The following PARD3B variants were observed in gnomAD, a reference collection of about 807,000 sequenced individuals.
PARD3B encodes the protein partitioning defective 3 homolog B.
Under a neutral mutation model 130.2 loss-of-function variants are expected in PARD3B, and 103 were observed. The ratio of observed to expected loss-of-function variants is 0.79; its 90% CI spans 0.67 to 0.93. The LOEUF (loss-of-function observed/expected upper bound fraction) is 0.93, where lower values mean the gene tolerates loss of function less well. Among genes scored for constraint, PARD3B ranks in the 40% least tolerant of loss-of-function variants. The probability of loss-of-function intolerance (pLI) is 0.00; values close to 1 mark genes in which losing one functional copy is unlikely to be tolerated. For missense variants in PARD3B, 1,609 were observed against 1,499.2 expected (o/e 1.07, Z -1.21); for synonymous variants, 583 against 553.2 (o/e 1.05, Z -0.76).
chr2:204,928,617 CA>C lies in PARD3B; in HGVS notation c.223-36532del, dbSNP rs148308126. Among the ~76,000 whole-genome samples, 1,375 of 152,190 alleles carry C rather than the reference CA, an allele frequency of 9.0e-3. 20 individuals are homozygous for C. Among genetic ancestry groups the C allele is most frequent in the African/African-American group, 0.028 (1,180 of 41,532 alleles). On this transcript the variant is annotated intron_variant, in intron 2 of 22. Transcript: ENST00000406610. ...CATTGCTCCTGGATAGGACAGTCAT[CA>C]AAGACGTCTTGGTCAATCTCATTTA...
chr2:205,183,730 TTGTGTGTGTGTGTG>T lies in PARD3B; in HGVS notation c.1925-2003_1925-1990del, dbSNP rs71410805. 2.9e-4 allele frequency among the ~76,000 whole-genome samples: 40 copies of T among 138,250 alleles called. No individual in the cohort carries two copies. The South Asian group carries it at 8.2e-3, about 28-fold the overall frequency. The allele number at this position is 138,250 out of a possible 152,430, so 90.7% of individuals were successfully genotyped here. On this transcript the variant is annotated intron_variant, in intron 13 of 22. Coordinates refer to ENST00000406610, the MANE Select transcript of PARD3B (RefSeq NM_001302769.2). This position sits in a 1 kb window ranked among gnomAD's most constrained non-coding sequence, Gnocchi z 5.2. Reference sequence around the variant, plus strand: ...GGTTCTGCAGAGAAACAGAACCAAGTTGTGTGTGTGTGTGTGTGTGTGTGTGTGTGTGTGTGTGT... The same window carrying T: ...GGTTCTGCAGAGAAACAGAACCAAGTTGTGTGTGTGTGTGTGTGTGTGTGT...
intron 20 of PARD3B, among the ~76,000 whole-genome samples, chr2:205,447,986 C>T (rs568660621): frequency 2.1e-4 from 32 of 152,306 alleles, no homozygotes; most frequent in African/African-American, 7.5e-4. Flanking sequence ...ACTGCTATGA[C>T]CACCTTCACT....
At chr2:205,143,796 A>C (rs1427521272) in intron 10 of PARD3B, among the ~76,000 whole-genome samples, 1 of 152,190 alleles carries the variant, frequency 6.6e-6, no homozygotes, top group Non-Finnish European at 1.5e-5. Context: ...TCCCTACTTC[A>C]GGAAAATCTC....
rs114601986 is a variant in PARD3B, at chr2:204,764,287, T to C, written c.222+78005T>C. On this transcript the variant is annotated intron_variant, in intron 2 of 22. Coordinates refer to ENST00000406610, the MANE Select transcript of PARD3B (RefSeq NM_001302769.2). ...CAAGCCCTTAGCTTGAGTTACTCCA[T>C]AGTTACTCCATACTGCTTTGTTTCC... Among the ~76,000 whole-genome samples, 727 of 152,316 alleles carry C rather than the reference T, an allele frequency of 4.8e-3. 3 individuals are homozygous for C. Among genetic ancestry groups the C allele is most frequent in the Non-Finnish European group, 8.7e-3 (589 of 68,020 alleles).
intron 2 of PARD3B, among the ~76,000 whole-genome samples, chr2:204,886,343 G>A (rs1335017014): frequency 1.3e-5 from 2 of 152,086 alleles, no homozygotes; most frequent in Admixed American, 1.3e-4. Context: ...CATAGCATAA[G>A]CATTTGACCC....
At chr2:205,000,169 A>G (rs1694711199) in intron 3 of PARD3B, among the ~76,000 whole-genome samples, 1 of 152,216 alleles carries the variant, frequency 6.6e-6, no homozygotes, top group African/African-American at 2.4e-5. Flanking sequence ...CAGATACCAC[A>G]TGCTAGAAGA....
chr2:204,996,652 G>A (rs1694212192), intron 3 of PARD3B, among the ~76,000 whole-genome samples: 1 of 150,014 alleles, frequency 6.7e-6, no homozygotes, highest in African/African-American at 2.5e-5. Flanking sequence ...AAGCAAGCCT[G>A]GGCAATGGCG....
At chr2:205,441,171 T>C (rs1353066858) in intron 20 of PARD3B, among the ~76,000 whole-genome samples, 1 of 152,156 alleles carries the variant, frequency 6.6e-6, no homozygotes, top group Non-Finnish European at 1.5e-5. Flanking sequence ...TGACCCTGTA[T>C]AGATATTCAT....
chr2:205,394,228 G>C (rs1022691738), intron 18 of PARD3B, among the ~76,000 whole-genome samples: 11 of 151,964 alleles, frequency 7.2e-5, no homozygotes, highest in Admixed American at 3.9e-4. Context: ...AGGTCTGTGT[G>C]GGGGGTTTTT....
At chr2:204,699,476 G>C (rs920011078) in intron 2 of PARD3B, among the ~76,000 whole-genome samples, 4 of 152,054 alleles carry the variant, frequency 2.6e-5, no homozygotes, top group Admixed American at 6.6e-5. Context: ...TAACAAGACA[G>C]AATAATTTGG....
chr2:204,576,503 G>GGAA (rs1354527154), intron 1 of PARD3B, among the ~76,000 whole-genome samples: 2 of 152,060 alleles, frequency 1.3e-5, no homozygotes, highest in Non-Finnish European at 2.9e-5. Context: ...TTCTCAACAT[G>GGAA]ATGACAGCAT....
intron 20 of PARD3B, among the ~76,000 whole-genome samples, chr2:205,491,155 G>A (rs1490295859): frequency 6.6e-6 from 1 of 152,036 alleles, no homozygotes; most frequent in Admixed American, 6.5e-5. Context: ...CATTGCTTTT[G>A]GTGTTTTAGA....
At chr2:205,428,396 T>A (rs79129365) in intron 19 of PARD3B, among the ~76,000 whole-genome samples, 1 of 151,314 alleles carries the variant, frequency 6.6e-6, no homozygotes, top group African/African-American at 2.4e-5. Context: ...TAAAATAAAA[T>A]AAAAAGAGGC....
intron 21 of PARD3B, among the ~76,000 whole-genome samples, chr2:205,541,450 G>A (rs112983406): frequency 0.037 from 5,583 of 150,632 alleles, 184 homozygotes; most frequent in South Asian, 0.13. Flanking sequence ...CTGGCTTCAA[G>A]CAATTCTCCT....
intron 2 of PARD3B, among the ~76,000 whole-genome samples, chr2:204,726,528 C>T (rs1202553011): frequency 6.6e-6 from 1 of 152,140 alleles, no homozygotes; most frequent in African/African-American, 2.4e-5. Flanking sequence ...AACCTCAAAG[C>T]CCCAGTGAAG....
chr2:205,382,796 A>G (rs770255669), intron 18 of PARD3B, among the ~76,000 whole-genome samples: 4 of 151,968 alleles, frequency 2.6e-5, no homozygotes, highest in Non-Finnish European at 4.4e-5. Context: ...CCTATCATTT[A>G]TTTTGTTGCT....
At chr2:205,093,581 G>A (rs1385954185) in intron 4 of PARD3B, among the ~76,000 whole-genome samples, 2 of 152,150 alleles carry the variant, frequency 1.3e-5, no homozygotes, top group Admixed American at 6.5e-5. Context: ...GAAAACTGGT[G>A]TATCTAGGTA....
intron 4 of PARD3B, among the ~76,000 whole-genome samples, chr2:205,102,780 A>T (rs1018804636): frequency 6.6e-6 from 1 of 152,152 alleles, no homozygotes; most frequent in Non-Finnish European, 1.5e-5. Flanking sequence ...TAAAATAATA[A>T]CTTGGCTGGG....
intron 21 of PARD3B, among the ~76,000 whole-genome samples, chr2:205,540,449 T>A (rs1267369376): frequency 6.6e-6 from 1 of 152,226 alleles, no homozygotes; most frequent in East Asian, 1.9e-4. Flanking sequence ...ACATTCATTT[T>A]ATGTATTTTT....
Sources: allele counts gnomAD v4.1 joint callset (sites outside exome capture counted in the v4.1 genomes callset), GRCh38; gene constraint gnomAD v4.1.1; non-coding constraint Gnocchi (gnomAD v3.1); transcripts MANE v1.5; gene names NCBI Gene and HGNC (gene_info 2026-07-23, HGNC 2026-07-21).